The following RAB11FIP5 variants were observed in gnomAD, a reference collection of about 807,000 sequenced individuals.
RAB11FIP5 encodes rab11 family-interacting protein 5.
In RAB11FIP5, 48 loss-of-function variants were observed where a neutral mutation model predicts 85.1. That is an observed-to-expected ratio of 0.56 (90% CI 0.45 to 0.72). The LOEUF (loss-of-function observed/expected upper bound fraction) is 0.72, where lower values mean the gene tolerates loss of function less well. Among genes scored for constraint, RAB11FIP5 ranks in the 30% least tolerant of loss-of-function variants. RAB11FIP5 has a pLI of 0.00. For synonymous variants in RAB11FIP5, 729 were observed against 727.3 expected (o/e 1.00, Z -0.04); for missense variants, 1,491 against 1,687.0 (o/e 0.88, Z 2.04).
Position 73,080,770 on chromosome 2 carries a change from T to G in RAB11FIP5, c.2462A>C (p.Gln821Pro). 7 of 1,232,546 alleles carry G rather than the reference T, an allele frequency of 5.7e-6. No individual in the cohort carries two copies. The highest frequency in any genetic ancestry group is 7.1e-6 in the Non-Finnish European group (7 of 988,138). 76.4% of individuals were successfully genotyped at this position (1,232,546 alleles called of 1,614,324 possible). Residue 821 changes from glutamine (Q) to proline (P), a missense_variant, in exon 4 of 6, where the codon CAG (glutamine) becomes CCG (proline). Around this residue, in one of 3 missense-constraint regions of RAB11FIP5, gnomAD observed 1,211 missense variants for 1,338.0 expected, o/e 0.91. Transcript: ENST00000486777. Reference protein sequence around the residue: ...QDDESSRGENQLCPDVETADD... With the variant: ...QDDESSRGENPLCPDVETADD... ...AGCTGTCTCGACGTCAGGGCAAAGC[T>G]GATTTTCGCCTCGGGAGGACTCATC... is the stretch of plus-strand genomic sequence containing the variant.
At chr2:73,109,508 C>T (rs538661829) in intron 1 of RAB11FIP5, among the ~76,000 whole-genome samples, 173 of 152,348 alleles carry the variant, frequency 1.1e-3, no homozygotes, top group African/African-American at 4.0e-3. Context: ...TGGTAAGTCA[C>T]AGAACGGGGA....
chr2:73,081,752 AC>A lies in RAB11FIP5; in HGVS notation c.1569-90del. 7.0e-6 allele frequency: 8 copies of A among 1,141,720 alleles called. No homozygotes were observed. Among genetic ancestry groups the A allele is most frequent in the Non-Finnish European group, 8.8e-6 (8 of 906,178 alleles). 70.7% of individuals were successfully genotyped at this position (1,141,720 alleles called of 1,614,324 possible). ...CCCACGCCCCACCCCCTGCTTCGGG[AC>A]CAGGGGCCATAACACACACATAGGC... On this transcript the variant is annotated intron_variant, in intron 3 of 5. Transcript: ENST00000486777. This position sits in a 1 kb window ranked among gnomAD's most constrained non-coding sequence, Gnocchi z 4.2.
chr2:73,080,823 G>A lies in RAB11FIP5; in HGVS notation c.2409C>T (p.Gly803=). The change falls in exon 4 of 6, where the codon GGC becomes GGT. Residue 803 remains glycine, a synonymous_variant. Coordinates refer to ENST00000486777, the MANE Select transcript of RAB11FIP5 (RefSeq NM_001371272.1). The stretch of plus-strand genomic sequence containing the variant: ...CCTGGCCCTCAGCAGCGCTCTCTGG[G>A]CCCGGCAGCCTCTCCCACACACTGA... The part of the protein sequence containing the change: ...EVISVWERLP[G]PESAAEGQDD... 3.2e-6 allele frequency: 4 copies of A among 1,232,382 alleles called. No homozygotes were observed. Among genetic ancestry groups the A allele is most frequent in the Non-Finnish European group, 4.0e-6 (4 of 988,128 alleles). 76.3% of individuals were successfully genotyped at this position (1,232,382 alleles called of 1,614,324 possible).
In RAB11FIP5 at chr2:73,089,879, G is replaced by T. The variant is rs1684175199; in HGVS notation, c.432-564C>A. 1.1e-5 allele frequency among the ~76,000 whole-genome samples: 1 copy of T among 88,648 alleles called. No individual in the cohort carries two copies. The highest frequency in any genetic ancestry group is 4.5e-5 in the African/African-American group (1 of 22,284). The allele number at this position is 88,648 out of a possible 152,430, so 58.2% of individuals were successfully genotyped here. ...AATGCTAGTGCATACACTCATGTATGTATACACACACACACACACACACAC... is the reference window on the plus strand; with the variant it reads ...AATGCTAGTGCATACACTCATGTATTTATACACACACACACACACACACAC... On this transcript the variant is annotated intron_variant, in intron 1 of 5. Transcript: ENST00000486777. The surrounding 1 kb of genome is among the most constrained non-coding windows in gnomAD (Gnocchi z 4.6).
rs1683957706 is a variant in RAB11FIP5 at position 73,080,686 on chromosome 2, A to AAGGTCGCGGGAGCGAG, written c.2545_2546insCTCGCTCCCGCGACCT (p.Leu849ProfsTer13). ...CTCATCAGACTCTCCCCGAAAGACT[A>AAGGTCGCGGGAGCGAG]GTGAGGCTGTCTCAGCTGCAGGAGA... On this transcript the variant is annotated frameshift_variant, in exon 4 of 6. Transcript: ENST00000486777. LOFTEE classifies it high-confidence loss of function. 8.1e-7 allele frequency: 1 copy of AAGGTCGCGGGAGCGAG among 1,232,382 alleles called. No individual in the cohort carries two copies. Among genetic ancestry groups the AAGGTCGCGGGAGCGAG allele is most frequent in the Admixed American group, 4.2e-5 (1 of 23,702 alleles). 76.3% of individuals were successfully genotyped at this position (1,232,382 alleles called of 1,614,324 possible). A position where few individuals can be genotyped will look rare whatever the true frequency, so the allele number is the denominator to read the frequency against.
intron 1 of RAB11FIP5, among the ~76,000 whole-genome samples, chr2:73,090,836 C>T (rs954170234): frequency 6.6e-6 from 1 of 152,206 alleles, no homozygotes; most frequent in Non-Finnish European, 1.5e-5. Context: ...CATTGTTATA[C>T]ACCCACAGAA....
chr2:73,075,176 C>T lies in RAB11FIP5; in HGVS notation c.*345G>A. 3.5e-6 allele frequency: 2 copies of T among 578,888 alleles called. No individual in the cohort carries two copies. Among genetic ancestry groups the T allele is most frequent in the African/African-American group, 1.8e-5 (1 of 54,414 alleles). The allele number at this position is 578,888 out of a possible 1,614,324, so 35.9% of individuals were successfully genotyped here. ...GGGATAATAAAGTATGTGCTAGCAA[C>T]CAGTCTTGTCCCAGATTACTGCATC... On this transcript the variant is annotated 3_prime_UTR_variant, in exon 6 of 6. Transcript: ENST00000486777. The surrounding 1 kb of genome is among the most constrained non-coding windows in gnomAD (Gnocchi z 4.6).
intron 3 of RAB11FIP5, among the ~76,000 whole-genome samples, chr2:73,083,478 C>A (rs1368931597): frequency 6.6e-6 from 1 of 152,162 alleles, no homozygotes. Context: ...AACTCCCCAT[C>A]CAAAGGTAAA....
Position 73,075,439 on chromosome 2 carries a change from C to G in RAB11FIP5, c.*82G>C, listed in dbSNP as rs1683833706. ...ACAAGGCAAGACAGACGATGCCCCA[C>G]TGCAGATGAGAGAGTTCAGGAGGAG... On this transcript the variant is annotated 3_prime_UTR_variant, in exon 6 of 6. Transcript: ENST00000486777. This position sits in a 1 kb window ranked among gnomAD's most constrained non-coding sequence, Gnocchi z 4.6. 4 of 1,364,844 alleles carry G rather than the reference C, an allele frequency of 2.9e-6. No homozygotes were observed. In the African/African-American group the frequency reaches 4.3e-5, roughly 15 times the overall value. 84.5% of individuals were successfully genotyped at this position (1,364,844 alleles called of 1,614,324 possible).
intron 1 of RAB11FIP5, among the ~76,000 whole-genome samples, chr2:73,100,767 T>C (rs1684414263): frequency 6.6e-6 from 1 of 152,064 alleles, no homozygotes; most frequent in Non-Finnish European, 1.5e-5. Flanking sequence ...ACTCCTGCCA[T>C]TCCCAACAGG....
intron 1 of RAB11FIP5, among the ~76,000 whole-genome samples, chr2:73,098,626 T>C (rs540500837): frequency 3.4e-4 from 51 of 152,210 alleles, no homozygotes; most frequent in Non-Finnish European, 5.7e-4. Flanking sequence ...ACCACTATAC[T>C]ATGCTGCCTC....
At position 73,079,749 on chromosome 2, in the gene RAB11FIP5, G is replaced by T. The variant is rs1683932178; in HGVS notation, c.3483C>A (p.Ala1161=). The T allele has an allele frequency of 8.1e-7, 1 of 1,232,684 alleles. No individual in the cohort carries two copies. Among genetic ancestry groups the T allele is most frequent in the East Asian group, 3.2e-5 (1 of 31,702 alleles). 76.4% of individuals were successfully genotyped at this position (1,232,684 alleles called of 1,614,324 possible). Residue 1161 remains alanine, a synonymous_variant, in exon 4 of 6, where the codon GCC becomes GCA. Transcript: ENST00000486777. ...CTGCAGCGAGGTCCTCCCTAAGTAG[G>T]GCAGGGGAGCCCCCAGGTGGGGAGG... ...HEPSPPGGSP[A]LLREDLAAAT...
At chr2:73,109,359 G>A (rs549241939) in intron 1 of RAB11FIP5, among the ~76,000 whole-genome samples, 5 of 152,246 alleles carry the variant, frequency 3.3e-5, no homozygotes, top group South Asian at 2.1e-4. Context: ...TCACCACCAC[G>A]CTAATATTTT....
intron 1 of RAB11FIP5, among the ~76,000 whole-genome samples, chr2:73,099,772 G>C (rs1402719352): frequency 6.6e-6 from 1 of 152,122 alleles, no homozygotes; most frequent in Admixed American, 6.6e-5. Flanking sequence ...AGTTTCCCTG[G>C]GCTGGTCCCC....
intron 1 of RAB11FIP5, among the ~76,000 whole-genome samples, chr2:73,103,333 C>T (rs1306384826): frequency 6.6e-6 from 1 of 152,124 alleles, no homozygotes; most frequent in Admixed American, 6.5e-5. Context: ...CAGACCCCAG[C>T]CAGGTCCAGC....
intron 1 of RAB11FIP5, among the ~76,000 whole-genome samples, chr2:73,106,922 C>G (rs193271368): frequency 3.3e-5 from 5 of 152,172 alleles, no homozygotes; most frequent in African/African-American, 7.2e-5. Context: ...TGCAGCTTCT[C>G]GGAGGTGCTG....
chr2:73,080,326 AG>A lies in RAB11FIP5; in HGVS notation c.2905del (p.Leu969CysfsTer10). The A allele has an allele frequency of 8.1e-7, 1 of 1,232,654 alleles. No individual in the cohort carries two copies. Among genetic ancestry groups the A allele is most frequent in the Non-Finnish European group, 1.0e-6 (1 of 988,356 alleles). 76.4% of individuals were successfully genotyped at this position (1,232,654 alleles called of 1,614,324 possible). On this transcript the variant is annotated frameshift_variant, in exon 4 of 6. Coordinates refer to ENST00000486777, the MANE Select transcript of RAB11FIP5 (RefSeq NM_001371272.1). LOFTEE classifies it high-confidence loss of function. ...EESDSCSSATLLGQPGLEELV... is the reference protein window; with the variant it reads ...EESDSCSSATXLGQPGLEELV... ...CTCTTCCAGGCCAGGCTGGCCCAGCAGGGTTGCAGAGGAGCAGCTGTCAGAC... is the reference window on the plus strand; with the variant it reads ...CTCTTCCAGGCCAGGCTGGCCCAGCAGGTTGCAGAGGAGCAGCTGTCAGAC...
rs1683818448 is a variant in RAB11FIP5 at position 73,074,772 on chromosome 2, C to T, written c.*749G>A. ...CCTACACATTGGAGGTGGTCAAGAGCTCGAAAAGCAAAAAGGTGCTCTCTC... is the reference window on the plus strand; with the variant it reads ...CCTACACATTGGAGGTGGTCAAGAGTTCGAAAAGCAAAAAGGTGCTCTCTC... On this transcript the variant is annotated 3_prime_UTR_variant, in exon 6 of 6. Transcript: ENST00000486777. 1 of 187,454 alleles carries T rather than the reference C, an allele frequency of 5.3e-6. No homozygotes were observed. Among genetic ancestry groups the T allele is most frequent in the South Asian group, 1.1e-4 (1 of 8,896 alleles). The allele number at this position is 187,454 out of a possible 1,614,324, so 11.6% of individuals were successfully genotyped here.
rs1222738363 is a variant in RAB11FIP5, at chr2:73,077,652, GC to G, written c.3582-1471del. 5.3e-5 allele frequency among the ~76,000 whole-genome samples: 8 copies of G among 152,220 alleles called. No individual in the cohort carries two copies. In the East Asian group the frequency reaches 9.6e-4, roughly 18 times the overall value. ...CTATTCTTCTGTCTGGAACAACATT[GC>G]CCCTTCCTCCCGTTGGCTCACTAAT... On this transcript the variant is annotated intron_variant, in intron 4 of 5. Transcript: ENST00000486777.
Sources: allele counts gnomAD v4.1 joint callset (sites outside exome capture counted in the v4.1 genomes callset), GRCh38; gene constraint gnomAD v4.1.1; regional missense constraint gnomAD v4.1.1; non-coding constraint Gnocchi (gnomAD v3.1); transcripts MANE v1.5; gene names NCBI Gene and HGNC (gene_info 2026-07-23, HGNC 2026-07-21).